Variants in VWF observed in about 807,000 individuals in gnomAD.
The protein encoded by VWF is Factor VIII related antigen.
Under a neutral mutation model 308.6 loss-of-function variants are expected in VWF, and 176 were observed. The observed-to-expected ratio is 0.57, with a 90% CI of 0.50 to 0.65. The LOEUF (loss-of-function observed/expected upper bound fraction) is 0.65, where lower values mean the gene tolerates loss of function less well. Among genes scored for constraint, VWF ranks in the 30% least tolerant of loss-of-function variants. The probability of loss-of-function intolerance (pLI) is 0.00; values close to 1 mark genes in which losing one functional copy is unlikely to be tolerated. For missense variants in VWF, 3,146 were observed against 3,648.2 expected, an observed-to-expected ratio of 0.86 and a Z score of 3.55; for synonymous variants, 1,385 against 1,443.4, an observed-to-expected ratio of 0.96 and a Z score of 0.92.
Position 6,091,217 on chromosome 12 carries a change from C to T in VWF, c.657+4243G>A, listed in dbSNP as rs545199673. Among the ~76,000 whole-genome samples the T allele has an allele frequency of 2.9e-4, 44 of 150,998 alleles. 1 individual carries two copies. In the South Asian group the frequency reaches 8.8e-3, roughly 30 times the overall value. On this transcript the variant is annotated intron_variant, in intron 6 of 51. Coordinates refer to ENST00000261405, the MANE Select transcript of VWF (RefSeq NM_000552.5). ...CTCCTTGGTCAGAGGTCAAATTGTT[C>T]CATGAAGATGAAGACTCACTGAATT...
chr12:5,954,022 G>T, intron 47 of VWF: 1 of 210,074 alleles, frequency 4.8e-6, no homozygotes. Context: ...AGTTATCCTT[G>T]ACTTCCCCTT....
intron 15 of VWF, among the ~76,000 whole-genome samples, chr12:6,054,661 A>C (rs1360459562): frequency 6.6e-6 from 1 of 152,198 alleles, no homozygotes; most frequent in Non-Finnish European, 1.5e-5. Flanking sequence ...CTGTCTTCCC[A>C]AAGGGAGCAC....
intron 18 of VWF, among the ~76,000 whole-genome samples, chr12:6,041,455 A>T (rs928600412): frequency 6.0e-5 from 9 of 149,082 alleles, no homozygotes; most frequent in African/African-American, 1.7e-4. Flanking sequence ...AAAAAAAGAA[A>T]TTTTTTTTTT....
chr12:6,049,742 T>C (rs1355514489), intron 16 of VWF, among the ~76,000 whole-genome samples: 2 of 152,234 alleles, frequency 1.3e-5, no homozygotes, highest in Admixed American at 6.5e-5. Flanking sequence ...TGGCAAACTA[T>C]AGCCAGACAA....
At position 5,994,586 on chromosome 12, in the gene VWF, C is replaced by T; in HGVS notation, c.6085G>A (p.Val2029Ile). ...DMEVTVNGRL[V>I]SVPYVGGNME... ...TTCCCACCCACGTAAGGAACAGAGA[C>T]CAGTCTCCCATTCACCGTCACCTGC... The change falls in exon 36 of 52, where the codon GTC becomes ATC. Residue 2029 changes from valine to isoleucine, a missense_variant. Physicochemically the swap from Val to Ile is conservative, Grantham distance 29. This residue lies in a region of VWF where 989 missense variants were observed against 1,117.4 expected (regional missense o/e 0.89). Transcript: ENST00000261405. 6.2e-7 allele frequency: 1 copy of T among 1,613,920 alleles called. No homozygotes were observed. The highest frequency in any genetic ancestry group is 1.3e-5 in the African/African-American group (1 of 75,016).
chr12:6,121,471 C>T, intron 2 of VWF, 133 bp from the exon 3 acceptor site: 2 of 1,075,730 alleles, frequency 1.9e-6, no homozygotes, highest in Middle Eastern at 2.8e-4. Context: ...ATTTTCCATC[C>T]TAAATGAGAC....
intron 19 of VWF, among the ~76,000 whole-genome samples, chr12:6,035,771 C>T (rs1459901249): frequency 6.6e-6 from 1 of 152,186 alleles, no homozygotes; most frequent in Non-Finnish European, 1.5e-5. Flanking sequence ...CCCTGGGGCC[C>T]ATCTCCCTGA....
rs770754230 is a variant in VWF at position 6,064,256 on chromosome 12, G to C, written c.1422C>G (p.Pro474=). The C allele has an allele frequency of 5.6e-6, 9 of 1,614,040 alleles. 1 individual carries two copies. The highest frequency in any genetic ancestry group is 1.3e-5 in the African/African-American group (1 of 74,944). ...CAGGACGAAGCATACCTTTCAGGAG[G>C]GGGAGCTGGACGTCCTGGCCATCCA... The part of the protein sequence containing the change: ...VAMDGQDVQL[P]LLKGDLRIQH... Residue 474 remains proline, a synonymous_variant, in exon 12 of 52, where the codon CCC becomes CCG. Transcript: ENST00000261405.
intron 5 of VWF, among the ~76,000 whole-genome samples, 159 bp downstream of exon 5, chr12:6,110,215 A>G (rs1218472366): frequency 6.6e-6 from 1 of 152,188 alleles, no homozygotes; most frequent in Non-Finnish European, 1.5e-5. Flanking sequence ...AGGTCTAGGC[A>G]TTGGAATGGA....
At chr12:5,997,844 C>T (rs781384699) in intron 34 of VWF, among the ~76,000 whole-genome samples, 33 of 152,318 alleles carry the variant, frequency 2.2e-4, no homozygotes, top group Non-Finnish European at 4.0e-4. Context: ...TATATATTAA[C>T]ACATTCCAAT....
rs1565391068 is a variant in VWF at position 6,103,449 on chromosome 12, C to CGTGTGT, written c.532+6924_532+6925insACACAC. Among the ~76,000 whole-genome samples, 16 of 100,864 alleles carry CGTGTGT rather than the reference C, an allele frequency of 1.6e-4. 1 individual carries two copies. The highest frequency in any genetic ancestry group is 7.0e-4 in the African/African-American group (14 of 20,098). 66.2% of individuals were successfully genotyped at this position (100,864 alleles called of 152,430 possible). Reference sequence around the variant, plus strand: ...ATACACACGTGTGTATATACATACACATATATGTGTATATACACATATGTG... The same window carrying CGTGTGT: ...ATACACACGTGTGTATATACATACACGTGTGTATATATGTGTATATACACATATGTG... On this transcript the variant is annotated intron_variant, in intron 5 of 51. Coordinates refer to ENST00000261405, the MANE Select transcript of VWF (RefSeq NM_000552.5).
At chr12:5,983,736 A>G (rs1459817900) in intron 40 of VWF, among the ~76,000 whole-genome samples, 1 of 151,694 alleles carries the variant, frequency 6.6e-6, no homozygotes, top group Non-Finnish European at 1.5e-5. Context: ...CAGGTTAGAT[A>G]GATTAGACAG....
At chr12:6,043,708 C>T (rs1944416841) in intron 18 of VWF, among the ~76,000 whole-genome samples, 1 of 152,194 alleles carries the variant, frequency 6.6e-6, no homozygotes. Flanking sequence ...TGCACGGCCT[C>T]CATGCCTGTT....
intron 18 of VWF, among the ~76,000 whole-genome samples, chr12:6,041,472 G>A (rs149811812): frequency 0.013 from 2,000 of 151,304 alleles, 38 homozygotes; most frequent in African/African-American, 0.042. Flanking sequence ...TTTTTGAGAC[G>A]GAGTCTCGCT....
chr12:5,984,275 C>A (rs536866872), intron 40 of VWF, among the ~76,000 whole-genome samples: 1 of 152,224 alleles, frequency 6.6e-6, no homozygotes, highest in Non-Finnish European at 1.5e-5. Context: ...CCCTCTAGTT[C>A]TCTCTACTGC....
chr12:5,954,740 A>T (rs1471049300), intron 47 of VWF, among the ~76,000 whole-genome samples: 1 of 152,218 alleles, frequency 6.6e-6, no homozygotes, highest in Non-Finnish European at 1.5e-5. Context: ...AGACAAAACG[A>T]CAGCTGGAAA....
At chr12:5,988,882 T>C (rs954878468) in intron 38 of VWF, among the ~76,000 whole-genome samples, 5 of 146,558 alleles carry the variant, frequency 3.4e-5, no homozygotes, top group African/African-American at 7.3e-5. Flanking sequence ...AAAGTCTGAA[T>C]GAAGGTGACA....
chr12:6,015,431 G>T (rs1944044881), intron 31 of VWF, among the ~76,000 whole-genome samples: 1 of 151,916 alleles, frequency 6.6e-6, no homozygotes, highest in Non-Finnish European at 1.5e-5. Flanking sequence ...CCTAGGCAGG[G>T]TTCTGAAAGA....
chr12:6,090,144 A>G (rs1192182728), intron 6 of VWF, among the ~76,000 whole-genome samples: 1 of 152,044 alleles, frequency 6.6e-6, no homozygotes, highest in Non-Finnish European at 1.5e-5. Flanking sequence ...TTTTTAGTAG[A>G]GACGGGGTTT....
Sources: allele counts gnomAD v4.1 joint callset (sites outside exome capture counted in the v4.1 genomes callset), GRCh38; gene constraint gnomAD v4.1.1; regional missense constraint gnomAD v4.1.1; transcripts MANE v1.5; gene names NCBI Gene and HGNC (gene_info 2026-07-23, HGNC 2026-07-21).